KANK1: variants seen among roughly 807,000 people sequenced by gnomAD.
KANK1 encodes the protein KN motif and ankyrin repeat domains 1.
In KANK1, 109 loss-of-function variants were observed where a neutral mutation model predicts 106.2. The observed-to-expected ratio is 1.03, with a 90% CI of 0.88 to 1.20. The LOEUF is 1.20. Ranked by LOEUF, KANK1 falls within the 50% of genes most tolerant of loss-of-function variation. The pLI, the probability that KANK1 is intolerant of heterozygous loss-of-function variation, is 0.00. For synonymous variants in KANK1, 873 were observed against 652.2 expected, an observed-to-expected ratio of 1.34 and a Z score of -5.16; for missense variants, 2,399 against 1,710.7, an observed-to-expected ratio of 1.40 and a Z score of -7.10.
At chr9:568,016 A>C (rs555727712) in intron 1 of KANK1, among the ~76,000 whole-genome samples, 1 of 151,894 alleles carries the variant, frequency 6.6e-6, no homozygotes, top group African/African-American at 2.4e-5. Flanking sequence ...CTTTGTGCCC[A>C]TATCAGGTAG....
intron 3 of KANK1, among the ~76,000 whole-genome samples, chr9:723,753 C>T (rs922586510): frequency 6.6e-6 from 1 of 152,092 alleles, no homozygotes; most frequent in Non-Finnish European, 1.5e-5. Flanking sequence ...AATGGAAATA[C>T]ATGACTGGAA....
intron 1 of KANK1, among the ~76,000 whole-genome samples, chr9:628,090 C>T (rs1157229357): frequency 6.6e-6 from 1 of 152,196 alleles, no homozygotes; most frequent in African/African-American, 2.4e-5. Context: ...TTCATTTCCT[C>T]AGTAATCCTA....
In KANK1 at chr9:617,824, G is replaced by A. The variant is rs566621752; in HGVS notation, c.-83-59066G>A. 6.6e-5 allele frequency among the ~76,000 whole-genome samples: 10 copies of A among 152,302 alleles called. No homozygotes were observed. The South Asian group carries it at 1.0e-3, about 16-fold the overall frequency. On this transcript the variant is annotated intron_variant, in intron 1 of 11. Transcript: ENST00000382297. The stretch of plus-strand genomic sequence containing the variant: ...TCTTTCCTGCTCAGGTTTCTCATAG[G>A]AGTAGGCTCCATGTAAGACTTCTGT...
At chr9:744,134 C>A (rs1836520171) in intron 10 of KANK1, among the ~76,000 whole-genome samples, 1 of 152,114 alleles carries the variant, frequency 6.6e-6, no homozygotes, top group Admixed American at 6.5e-5. Context: ...AGATCTTTGG[C>A]AAATTGCAGA....
At chr9:478,549 A>G (rs1197473378) in intron 3 of KANK1, 1 of 152,230 alleles carries the variant, frequency 6.6e-6, no homozygotes, top group Non-Finnish European at 1.5e-5. Context: ...ACCAAATCTA[A>G]TCACAGCATA....
chr9:696,569 G>C (rs1035691076), intron 2 of KANK1, among the ~76,000 whole-genome samples: 1 of 152,090 alleles, frequency 6.6e-6, no homozygotes, highest in Non-Finnish European at 1.5e-5. Flanking sequence ...AGAGGGGATA[G>C]AATGAGCAAA....
At chr9:508,858 C>T (rs750844465) in intron 1 of KANK1, among the ~76,000 whole-genome samples, 31 of 152,122 alleles carry the variant, frequency 2.0e-4, no homozygotes, top group African/African-American at 7.2e-4. Flanking sequence ...CATTCTAATT[C>T]TAGTACACGT....
intron 3 of KANK1, among the ~76,000 whole-genome samples, chr9:491,492 G>C (rs2840254): frequency 0.17 from 25,074 of 151,470 alleles, 2,955 homozygotes; most frequent in East Asian, 0.45. Flanking sequence ...TGCTCTCAAT[G>C]TCTTGACCTC....
chr9:517,595 C>G (rs1226159975), intron 1 of KANK1, among the ~76,000 whole-genome samples: 1 of 151,384 alleles, frequency 6.6e-6, no homozygotes, highest in Non-Finnish European at 1.5e-5. Context: ...AGAGCTTTTT[C>G]ACACTTTCTA....
chr9:659,408 C>G (rs1237150737), intron 1 of KANK1, among the ~76,000 whole-genome samples: 1 of 152,114 alleles, frequency 6.6e-6, no homozygotes, highest in African/African-American at 2.4e-5. Context: ...ACCCAGAGTT[C>G]CTGCTTCAGT....
chr9:643,133 G>A (rs1033956846), intron 1 of KANK1, among the ~76,000 whole-genome samples: 2 of 150,616 alleles, frequency 1.3e-5, no homozygotes. Context: ...CAAAAGTTTT[G>A]AACCAAGGAT....
intron 2 of KANK1, among the ~76,000 whole-genome samples, chr9:709,761 G>A (rs1340154732): frequency 2.0e-5 from 3 of 151,922 alleles, no homozygotes; most frequent in Admixed American, 6.6e-5. Context: ...GATTACAGGC[G>A]CCTGCCACCA....
intron 1 of KANK1, among the ~76,000 whole-genome samples, chr9:570,715 G>C (rs1254549425): frequency 1.3e-5 from 2 of 152,142 alleles, no homozygotes; most frequent in Non-Finnish European, 1.5e-5. Flanking sequence ...TGTAGTTTTT[G>C]TAAGTTTTTA....
chr9:634,154 G>T (rs1368788143), intron 1 of KANK1, among the ~76,000 whole-genome samples: 1 of 152,244 alleles, frequency 6.6e-6, no homozygotes, highest in Admixed American at 6.5e-5. Flanking sequence ...GGCCAGCAAT[G>T]TGGAAAATGG....
chr9:510,974 T>C (rs1423938663), intron 1 of KANK1, among the ~76,000 whole-genome samples: 1 of 152,228 alleles, frequency 6.6e-6, no homozygotes, highest in Non-Finnish European at 1.5e-5. Flanking sequence ...ATTTGTATTA[T>C]GTGCAAGGCC....
intron 10 of KANK1, among the ~76,000 whole-genome samples, chr9:743,460 T>A (rs934389372): frequency 6.6e-6 from 1 of 152,210 alleles, no homozygotes; most frequent in Non-Finnish European, 1.5e-5. Flanking sequence ...GTGGTTTTTG[T>A]TTGATTTTAC....
chr9:633,511 C>A (rs1221279433), intron 1 of KANK1, among the ~76,000 whole-genome samples: 2 of 152,152 alleles, frequency 1.3e-5, no homozygotes, highest in African/African-American at 2.4e-5. Context: ...ATTCAAGTTA[C>A]TTCCAACAGT....
intron 1 of KANK1, among the ~76,000 whole-genome samples, chr9:614,751 G>T (rs1276303193): frequency 6.6e-6 from 1 of 152,130 alleles, no homozygotes; most frequent in African/African-American, 2.4e-5. Flanking sequence ...GGTGTAGGTT[G>T]TGGGCCTTGT....
chr9:744,848 G>C (rs2132412076), intron 11 of KANK1: 3 of 1,416,440 alleles, frequency 2.1e-6, no homozygotes, highest in South Asian at 1.5e-5. Context: ...ATTCTGTGCA[G>C]AATTATCCAG....
Sources: allele counts gnomAD v4.1 joint callset (sites outside exome capture counted in the v4.1 genomes callset), GRCh38; gene constraint gnomAD v4.1.1; transcripts MANE v1.5; gene names NCBI Gene and HGNC (gene_info 2026-07-23, HGNC 2026-07-21).